PTPRD: variants seen among roughly 807,000 people sequenced by gnomAD.
The protein encoded by PTPRD is protein tyrosine phosphatase receptor type D.
In PTPRD, 34 loss-of-function variants were observed where a neutral mutation model predicts 214.5. That is an observed-to-expected ratio of 0.16 (90% confidence interval 0.12 to 0.21). The LOEUF (loss-of-function observed/expected upper bound fraction) is 0.21, where lower values mean the gene tolerates loss of function less well. Ranked by LOEUF, PTPRD falls within the 10% of genes least tolerant of loss-of-function variation. PTPRD has a pLI of 1.00. For missense variants in PTPRD, 2,545 were observed against 2,398.7 expected (o/e 1.06, Z -1.27); for synonymous variants, 1,128 against 845.7 (o/e 1.33, Z -5.79).
chr9:9,636,214 A>G (rs1387995431), intron 7 of PTPRD, among the ~76,000 whole-genome samples: 1 of 152,140 alleles, frequency 6.6e-6, no homozygotes, highest in East Asian at 1.9e-4. Flanking sequence ...TTTCTCCTTA[A>G]GCCTCCTCAG....
intron 8 of PTPRD, among the ~76,000 whole-genome samples, chr9:9,468,964 A>T (rs1033173423): frequency 2.6e-5 from 4 of 152,122 alleles, no homozygotes; most frequent in Admixed American, 1.3e-4. Context: ...TCTCACAGGG[A>T]AACTGTACCA....
intron 5 of PTPRD, among the ~76,000 whole-genome samples, chr9:9,794,003 C>A (rs963957209): frequency 3.3e-5 from 5 of 151,812 alleles, no homozygotes; most frequent in African/African-American, 1.2e-4. Context: ...CTGATTCCAC[C>A]AACATGTATT....
intron 11 of PTPRD, among the ~76,000 whole-genome samples, chr9:8,841,683 G>A (rs898641380): frequency 2.5e-5 from 3 of 120,504 alleles, no homozygotes; most frequent in Admixed American, 2.0e-4. Context: ...TAAAACTGGA[G>A]GTACATACTT....
intron 10 of PTPRD, among the ~76,000 whole-genome samples, chr9:9,102,578 T>C (rs1469739621): frequency 6.6e-6 from 1 of 152,238 alleles, no homozygotes; most frequent in Non-Finnish European, 1.5e-5. Context: ...TCGCATTGAA[T>C]TGGAGCTGAA....
intron 3 of PTPRD, among the ~76,000 whole-genome samples, chr9:10,173,223 T>C (rs1316668402): frequency 1.3e-5 from 2 of 152,204 alleles, no homozygotes; most frequent in African/African-American, 4.8e-5. Flanking sequence ...TAGCGTATTC[T>C]AGTAGTGTTT....
chr9:10,081,306 T>A (rs1184500988), intron 3 of PTPRD, among the ~76,000 whole-genome samples: 1 of 152,104 alleles, frequency 6.6e-6, no homozygotes, highest in Non-Finnish European at 1.5e-5. Flanking sequence ...GAAGACTTTG[T>A]TTTAAAGATT....
intron 5 of PTPRD, among the ~76,000 whole-genome samples, chr9:9,788,119 A>T (rs2098939351): frequency 6.6e-6 from 1 of 151,968 alleles, no homozygotes; most frequent in Non-Finnish European, 1.5e-5. Context: ...ACACTTGGGA[A>T]ATACAAATAA....
chr9:8,824,194 G>A lies in PTPRD; in HGVS notation c.-103-90248C>T, dbSNP rs1026944092. On this transcript the variant is annotated intron_variant, in intron 11 of 45. Coordinates refer to ENST00000381196, the MANE Select transcript of PTPRD (RefSeq NM_002839.4). ...TCCTGTGACTTAGAATGCCTTAATC[G>A]TCTGGGAATGCAGCCCAGTGGGTCC... Among the ~76,000 whole-genome samples, 17 of 152,038 alleles carry A rather than the reference G, an allele frequency of 1.1e-4. 1 individual carries two copies. Among genetic ancestry groups the A allele is most frequent in the Admixed American group, 7.2e-4 (11 of 15,254 alleles).
intron 7 of PTPRD, among the ~76,000 whole-genome samples, chr9:9,591,813 T>C (rs2092758155): frequency 6.6e-6 from 1 of 152,052 alleles, no homozygotes; most frequent in Non-Finnish European, 1.5e-5. Flanking sequence ...TTCTTTGTGG[T>C]GAGGGCATTC....
At chr9:9,401,515 C>T (rs966385740) in intron 8 of PTPRD, among the ~76,000 whole-genome samples, 3 of 151,954 alleles carry the variant, frequency 2.0e-5, no homozygotes, top group East Asian at 1.9e-4. Context: ...TATGACTGAC[C>T]TTACTATATA....
intron 7 of PTPRD, among the ~76,000 whole-genome samples, chr9:9,592,345 T>C (rs1405719190): frequency 1.3e-5 from 2 of 151,882 alleles, no homozygotes; most frequent in Non-Finnish European, 2.9e-5. Flanking sequence ...CAAAACAAAA[T>C]CAAACAAAAC....
chr9:9,205,850 T>C (rs2099944558), intron 9 of PTPRD, among the ~76,000 whole-genome samples: 1 of 152,288 alleles, frequency 6.6e-6, no homozygotes, highest in African/African-American at 2.4e-5. Context: ...CCCTCATGGT[T>C]AGTCTCAGGT....
chr9:10,200,374 C>A (rs2099414857), intron 3 of PTPRD, among the ~76,000 whole-genome samples: 1 of 151,952 alleles, frequency 6.6e-6, no homozygotes, highest in Non-Finnish European at 1.5e-5. Context: ...ATTGTCACAA[C>A]TATGGAGGAG....
intron 12 of PTPRD, chr9:8,713,435 C>A: frequency 9.1e-7 from 1 of 1,093,018 alleles, no homozygotes; most frequent in Non-Finnish European, 1.4e-6. Flanking sequence ...GTCGCCAAGT[C>A]CCGCTTCTGG....
chr9:8,592,447 T>C (rs966413261), intron 14 of PTPRD, among the ~76,000 whole-genome samples: 2 of 152,188 alleles, frequency 1.3e-5, no homozygotes, highest in African/African-American at 2.4e-5. Context: ...GCCACTGACA[T>C]ACAAGGACTT....
At chr9:10,592,585 T>C (rs1419760667) in intron 2 of PTPRD, among the ~76,000 whole-genome samples, 2 of 151,910 alleles carry the variant, frequency 1.3e-5, no homozygotes, top group Non-Finnish European at 2.9e-5. Flanking sequence ...CTGGACTTAC[T>C]GGGTTGAGTG....
intron 3 of PTPRD, among the ~76,000 whole-genome samples, chr9:10,127,469 AAAG>A (rs1232449539): frequency 6.6e-6 from 1 of 152,204 alleles, no homozygotes; most frequent in African/African-American, 2.4e-5. Context: ...GACATATAAT[AAAG>A]AAGAGAGGTT....
chr9:9,861,438 G>C (rs1419406074), intron 5 of PTPRD, among the ~76,000 whole-genome samples: 3 of 151,996 alleles, frequency 2.0e-5, no homozygotes, highest in South Asian at 4.1e-4. Context: ...CTACAGGCAT[G>C]CACCACCATG....
At chr9:9,485,784 T>A (rs557437822) in intron 8 of PTPRD, among the ~76,000 whole-genome samples, 2 of 152,260 alleles carry the variant, frequency 1.3e-5, no homozygotes, top group East Asian at 1.9e-4. Context: ...TGGATTATTC[T>A]GTTAGCCATT....
Sources: gnomAD v4.1 joint callset for allele counts (sites outside exome capture counted in the v4.1 genomes callset) on GRCh38, gnomAD v4.1.1 for gene constraint, MANE v1.5 for transcripts, NCBI Gene and HGNC (gene_info 2026-07-23, HGNC 2026-07-21) for gene names.